Variants in ST7 observed in about 807,000 individuals in gnomAD.
ST7 encodes the protein suppressor of tumorigenicity 7 protein.
ST7 carries 28 observed loss-of-function variants against 78.7 expected under a neutral mutation model. The observed-to-expected ratio is 0.36, with a 90% CI of 0.26 to 0.49. ST7 has a LOEUF of 0.49. Ranked by LOEUF, ST7 falls within the 20% of genes least tolerant of loss-of-function variation. The probability of loss-of-function intolerance (pLI) is 0.99; values close to 1 mark genes in which losing one functional copy is unlikely to be tolerated. For synonymous variants in ST7, 247 were observed against 249.6 expected (o/e 0.99, Z 0.10); for missense variants, 418 against 696.0 (o/e 0.60, Z 4.49).
intron 2 of ST7, among the ~76,000 whole-genome samples, chr7:117,111,233 T>C (rs188791787): frequency 2.6e-5 from 4 of 152,286 alleles, no homozygotes; most frequent in Admixed American, 2.0e-4. Flanking sequence ...AATAGTTGTG[T>C]GCATGGAAAT....
At chr7:117,195,027 T>C (rs1385734806) in intron 12 of ST7, among the ~76,000 whole-genome samples, 3 of 152,200 alleles carry the variant, frequency 2.0e-5, no homozygotes, top group Non-Finnish European at 4.4e-5. Context: ...TGGACTAAAT[T>C]ATTTGTTTGT....
rs770164515 is a variant in ST7, at chr7:116,989,340, C to T, written c.151+35649C>T. On this transcript the variant is annotated intron_variant, in intron 1 of 15. Coordinates refer to ENST00000323984, the MANE Select transcript of ST7 (RefSeq NM_001369598.1). ...TGGGTCCCTTCACAGCTGTGGAGCT[C>T]ACCTTTTTCACTAGGCTGCATCCTG... 5.8e-4 allele frequency among the ~76,000 whole-genome samples: 88 copies of T among 152,152 alleles called. 2 individuals are homozygous for T. The highest frequency in any genetic ancestry group is 1.8e-4 in the Non-Finnish European group (12 of 68,038).
intron 1 of ST7, among the ~76,000 whole-genome samples, chr7:116,995,726 G>A (rs1794622628): frequency 6.6e-6 from 1 of 152,208 alleles, no homozygotes; most frequent in African/African-American, 2.4e-5. Context: ...CCTACAGTAG[G>A]TGTGAGCTAT....
At chr7:117,100,205 C>T (rs1247676927) in intron 2 of ST7, among the ~76,000 whole-genome samples, 1 of 152,136 alleles carries the variant, frequency 6.6e-6, no homozygotes, top group Non-Finnish European at 1.5e-5. Flanking sequence ...GGCGCAGTGG[C>T]TCACATCTGT....
At chr7:117,146,975 A>G (rs898240614) in intron 9 of ST7, among the ~76,000 whole-genome samples, 10 of 152,148 alleles carry the variant, frequency 6.6e-5, no homozygotes, top group Non-Finnish European at 4.4e-5. Flanking sequence ...GTTGGTGAGG[A>G]ACTTCAGGAA....
At chr7:117,185,848 A>G (rs965879758) in intron 10 of ST7, among the ~76,000 whole-genome samples, 6 of 152,168 alleles carry the variant, frequency 3.9e-5, no homozygotes, top group Non-Finnish European at 8.8e-5. Flanking sequence ...GCTTGAACCC[A>G]AGAGGCGGAG....
intron 1 of ST7, among the ~76,000 whole-genome samples, chr7:116,984,334 G>A (rs1472901349): frequency 6.6e-6 from 1 of 152,138 alleles, no homozygotes; most frequent in East Asian, 1.9e-4. Flanking sequence ...TCTATTATGA[G>A]CAACAGAAAA....
chr7:117,111,688 G>A (rs1214264775), intron 2 of ST7, among the ~76,000 whole-genome samples: 1 of 152,060 alleles, frequency 6.6e-6, no homozygotes, highest in Non-Finnish European at 1.5e-5. Context: ...CCCTCTGCCT[G>A]CTTGGCACAA....
chr7:117,001,689 T>G (rs1219495554), intron 1 of ST7, among the ~76,000 whole-genome samples: 2 of 152,208 alleles, frequency 1.3e-5, no homozygotes, highest in African/African-American at 4.8e-5. Context: ...AGTGTTATTA[T>G]CTTTTTTTGT....
At position 117,229,818 on chromosome 7, in the gene ST7, C is replaced by T. The variant is rs970830785; in HGVS notation, c.1695C>T (p.Ile565=). The change falls in exon 16 of 16, where the codon ATC becomes ATT. Residue 565 remains isoleucine, a synonymous_variant. Coordinates refer to ENST00000323984, the MANE Select transcript of ST7 (RefSeq NM_001369598.1). ...LNFVMEKVES[I]LPSSLWHQLT... ...TTGTCATGGAGAAAGTGGAGAGCATCCTCCCATCCAGTCTGTGGCACCAGC... is the reference window on the plus strand; with the variant it reads ...TTGTCATGGAGAAAGTGGAGAGCATTCTCCCATCCAGTCTGTGGCACCAGC... The T allele has an allele frequency of 7.4e-6, 12 of 1,613,918 alleles. No individual in the cohort carries two copies. The highest frequency in any genetic ancestry group is 2.7e-5 in the African/African-American group (2 of 74,902).
chr7:117,195,955 T>C (rs1487488497), intron 12 of ST7, among the ~76,000 whole-genome samples: 2 of 152,202 alleles, frequency 1.3e-5, no homozygotes, highest in Non-Finnish European at 2.9e-5. Flanking sequence ...ACCATTATAC[T>C]CTCTGCTTCT....
intron 1 of ST7, among the ~76,000 whole-genome samples, chr7:116,983,009 C>G (rs1181782469): frequency 6.6e-6 from 1 of 152,306 alleles, no homozygotes; most frequent in South Asian, 2.1e-4. Flanking sequence ...AGCGATTCTC[C>G]TGCCTGAGCC....
At chr7:116,958,562 A>G in intron 1 of ST7, 1 of 468,928 alleles carries the variant, frequency 2.1e-6, no homozygotes, top group Non-Finnish European at 4.4e-6. Context: ...GTTCTTCCCT[A>G]TCTGTAAATC....
chr7:117,120,160 G>A (rs187845306), intron 3 of ST7, among the ~76,000 whole-genome samples: 2 of 152,030 alleles, frequency 1.3e-5, no homozygotes, highest in Non-Finnish European at 2.9e-5. Context: ...AAACTCCTGG[G>A]CTCAAGTAAT....
intron 1 of ST7, among the ~76,000 whole-genome samples, chr7:117,031,367 T>C (rs2116161951): frequency 9.0e-6 from 1 of 111,472 alleles, no homozygotes; most frequent in South Asian, 3.1e-4. Context: ...TGTGTGTGTG[T>C]GTATATGTGT....
At chr7:117,016,410 A>G (rs10228703) in intron 1 of ST7, among the ~76,000 whole-genome samples, 4,034 of 152,322 alleles carry the variant, frequency 0.026, 176 homozygotes, top group African/African-American at 0.09. Context: ...GCTTTTAGTT[A>G]TAAATTTGTA....
intron 3 of ST7, 126 bp from the exon 4 acceptor site, chr7:117,129,667 T>C: frequency 1.3e-6 from 1 of 752,704 alleles, no homozygotes. Context: ...TCCACATTGC[T>C]TCCCATGTAA....
intron 9 of ST7, among the ~76,000 whole-genome samples, chr7:117,158,346 A>T (rs1432922308): frequency 2.6e-5 from 4 of 152,216 alleles, no homozygotes; most frequent in Admixed American, 6.5e-5. Context: ...ATTTTTAAGG[A>T]AAAGCTTCCT....
intron 1 of ST7, among the ~76,000 whole-genome samples, chr7:117,028,553 C>T (rs2116126899): frequency 6.6e-6 from 1 of 152,278 alleles, no homozygotes; most frequent in South Asian, 2.1e-4. Flanking sequence ...TGGTCCAAGC[C>T]CGGACTTGTC....
Sources: gnomAD v4.1 joint callset for allele counts (sites outside exome capture counted in the v4.1 genomes callset) on GRCh38, gnomAD v4.1.1 for gene constraint, MANE v1.5 for transcripts, NCBI Gene and HGNC (gene_info 2026-07-23, HGNC 2026-07-21) for gene names.